Variants in CD200R1 observed in about 807,000 individuals in gnomAD.
The protein encoded by CD200R1 is CD200 receptor 1, also known as cell surface glycoprotein CD200 receptor 1.
A neutral mutation model predicts 38.1 loss-of-function variants in CD200R1; 30 were observed. That is an observed-to-expected ratio of 0.79 (90% CI 0.59 to 1.07). The LOEUF is 1.07. Among genes scored for constraint, CD200R1 ranks in the 50% least tolerant of loss-of-function variants. CD200R1 has a pLI of 0.00. For missense variants in CD200R1, 372 were observed against 415.4 expected (o/e 0.90, Z 0.91); for synonymous variants, 128 against 152.1 (o/e 0.84, Z 1.16).
chr3:112,957,786 C>A (rs1941135356), intron 1 of CD200R1, among the ~76,000 whole-genome samples: 1 of 152,042 alleles, frequency 6.6e-6, no homozygotes, highest in African/African-American at 2.4e-5. Flanking sequence ...GGTTACAATT[C>A]AATAACTTTA....
At chr3:112,925,019 C>A in intron 6 of CD200R1, 66 bp downstream of exon 6, 1 of 928,576 alleles carries the variant, frequency 1.1e-6, no homozygotes, top group East Asian at 2.5e-5. Context: ...ACGGTCAGTT[C>A]CATATTTCTG....
At chr3:112,958,227 CA>C (rs1247252020) in intron 1 of CD200R1, among the ~76,000 whole-genome samples, 2 of 151,676 alleles carry the variant, frequency 1.3e-5, no homozygotes, top group African/African-American at 2.4e-5. Context: ...TCAAAATTGC[CA>C]AAAAAACTGG....
chr3:112,939,869 C>CAAAAAAA (rs199986714), intron 2 of CD200R1, among the ~76,000 whole-genome samples: 1 of 120,392 alleles, frequency 8.3e-6, no homozygotes. Context: ...ACAAACAAAC[C>CAAAAAAA]AAAAAAAAAA....
chr3:112,974,427 C>A (rs1576159783), intron 1 of CD200R1, among the ~76,000 whole-genome samples: 2 of 152,154 alleles, frequency 1.3e-5, no homozygotes, highest in East Asian at 3.9e-4. Flanking sequence ...CAGAGCAAGA[C>A]CCTGTCTCAA....
chr3:112,972,537 C>T (rs1024647512), intron 1 of CD200R1, among the ~76,000 whole-genome samples: 2 of 137,516 alleles, frequency 1.5e-5, no homozygotes, highest in African/African-American at 5.1e-5. Context: ...ATCTAGAAGA[C>T]AATAGGGCTA....
At position 112,922,142 on chromosome 3, in the gene CD200R1, C is replaced by CA. The variant is rs1490901566; in HGVS notation, c.*1534dup. The stretch of plus-strand genomic sequence containing the variant: ...AATAGACTAAAAGTCCCTTTGAGGA[C>CA]AAAATCCATAGTAACTGAAATGTCT... On this transcript the variant is annotated 3_prime_UTR_variant, in exon 8 of 8. Transcript: ENST00000308611. The CA allele has an allele frequency of 1.3e-5, 2 of 151,852 alleles. No individual in the cohort carries two copies. Among genetic ancestry groups the CA allele is most frequent in the African/African-American group, 2.4e-5 (1 of 41,378 alleles). The allele number at this position is 151,852 out of a possible 1,614,324, so 9.4% of individuals were successfully genotyped here. A position where few individuals can be genotyped will look rare whatever the true frequency, so the allele number is the denominator to read the frequency against.
intron 7 of CD200R1, 88 bp from the exon 8 acceptor site, chr3:112,923,887 AT>A: frequency 1.3e-6 from 1 of 768,996 alleles, no homozygotes. Flanking sequence ...TAGCTTTAGT[AT>A]TTCTAACAGG....
At chr3:112,949,420 A>G (rs926579474) in intron 1 of CD200R1, among the ~76,000 whole-genome samples, 8 of 152,346 alleles carry the variant, frequency 5.3e-5, no homozygotes, top group African/African-American at 1.9e-4. Flanking sequence ...CTTTTAAGAT[A>G]ATTTATGGAA....
chr3:112,931,498 A>G (rs111766378), intron 2 of CD200R1, among the ~76,000 whole-genome samples: 1,598 of 152,288 alleles, frequency 0.01, 22 homozygotes, highest in South Asian at 0.031. Flanking sequence ...AGCATCTCAC[A>G]TGAGCTGGTC....
At chr3:112,957,496 A>G (rs1941128737) in intron 1 of CD200R1, among the ~76,000 whole-genome samples, 1 of 152,224 alleles carries the variant, frequency 6.6e-6, no homozygotes, top group African/African-American at 2.4e-5. Flanking sequence ...AAAATTACCT[A>G]TAATTGGATT....
intron 1 of CD200R1, among the ~76,000 whole-genome samples, chr3:112,972,891 T>C (rs1342611316): frequency 6.6e-6 from 1 of 152,218 alleles, no homozygotes; most frequent in Non-Finnish European, 1.5e-5. Context: ...AAGTCATATT[T>C]CCCCAAGTGG....
At position 112,936,688 on chromosome 3, in the gene CD200R1, T is replaced by G. The variant is rs1192150700; in HGVS notation, c.137-5517A>C. ...TACATTTGTTTAAGTTCCTTGTAGA[T>G]GCTGGACATTAGGCCTTTGTTAGAT... On this transcript the variant is annotated intron_variant, in intron 2 of 7. Coordinates refer to ENST00000308611, the MANE Select transcript of CD200R1 (RefSeq NM_138806.4). Among the ~76,000 whole-genome samples the G allele has an allele frequency of 3.3e-5, 5 of 152,208 alleles. 1 individual carries two copies. Among genetic ancestry groups the G allele is most frequent in the Non-Finnish European group, 1.5e-5 (1 of 68,024 alleles).
chr3:112,958,094 T>G (rs1465605408), intron 1 of CD200R1, among the ~76,000 whole-genome samples: 2 of 152,052 alleles, frequency 1.3e-5, no homozygotes, highest in African/African-American at 4.8e-5. Context: ...TTTTTCAAAA[T>G]TCAAACATGT....
chr3:112,944,573 C>A (rs1473120227), intron 2 of CD200R1, among the ~76,000 whole-genome samples: 1 of 152,054 alleles, frequency 6.6e-6, no homozygotes, highest in East Asian at 1.9e-4. Context: ...AGCAAGATGA[C>A]TCTTTTCACC....
intron 1 of CD200R1, among the ~76,000 whole-genome samples, chr3:112,954,279 C>T (rs1941037237): frequency 6.6e-6 from 1 of 152,116 alleles, no homozygotes; most frequent in African/African-American, 2.4e-5. Flanking sequence ...GATATATCCC[C>T]TCCAACCATA....
intron 2 of CD200R1, among the ~76,000 whole-genome samples, chr3:112,945,927 G>A (rs552695969): frequency 2.7e-5 from 4 of 150,366 alleles, no homozygotes; most frequent in Non-Finnish European, 3.0e-5. Context: ...ACTCTACTCC[G>A]GAGGCTGAGG....
At chr3:112,940,852 C>A (rs964218993) in intron 2 of CD200R1, among the ~76,000 whole-genome samples, 3 of 151,428 alleles carry the variant, frequency 2.0e-5, no homozygotes, top group Non-Finnish European at 4.4e-5. Context: ...CTATCTGCAC[C>A]CCTATGTTTA....
At chr3:112,966,055 G>A (rs1161436465) in intron 1 of CD200R1, among the ~76,000 whole-genome samples, 1 of 152,180 alleles carries the variant, frequency 6.6e-6, no homozygotes, top group African/African-American at 2.4e-5. Context: ...CAGAGCTCAG[G>A]GAATGGCAGC....
intron 2 of CD200R1, among the ~76,000 whole-genome samples, chr3:112,940,451 C>G (rs1940701464): frequency 6.6e-6 from 1 of 151,658 alleles, no homozygotes; most frequent in East Asian, 1.9e-4. Flanking sequence ...ACAAGGAATT[C>G]AAATATCTCC....
Sources: allele counts gnomAD v4.1 joint callset (sites outside exome capture counted in the v4.1 genomes callset), GRCh38; gene constraint gnomAD v4.1.1; transcripts MANE v1.5; gene names NCBI Gene and HGNC (gene_info 2026-07-23, HGNC 2026-07-21).